Variants in COL2A1 observed in about 807,000 individuals in gnomAD.
The protein encoded by COL2A1 is collagen alpha-1(II) chain.
In COL2A1, 28 loss-of-function variants were observed where a neutral mutation model predicts 204.5. That is an observed-to-expected ratio of 0.14 (90% CI 0.10 to 0.19). The LOEUF (loss-of-function observed/expected upper bound fraction) is 0.19, where lower values mean the gene tolerates loss of function less well. Ranked by LOEUF, COL2A1 falls within the 10% of genes least tolerant of loss-of-function variation. The pLI is 1.00. For missense variants in COL2A1, 1,388 were observed against 2,027.5 expected (o/e 0.68, Z 6.06); for synonymous variants, 708 against 718.7 (o/e 0.99, Z 0.24).
rs1555166218 is a variant in COL2A1, at chr12:47,981,803, A to AG, written c.2381dup (p.Gly795TrpfsTer6). The AG allele has an allele frequency of 6.4e-7, 1 of 1,554,602 alleles. No individual in the cohort carries two copies. Among genetic ancestry groups the AG allele is most frequent in the Non-Finnish European group, 8.7e-7 (1 of 1,148,676 alleles). On this transcript the variant is annotated frameshift_variant, in exon 36 of 54. Coordinates refer to ENST00000380518, the MANE Select transcript of COL2A1 (RefSeq NM_001844.5). LOFTEE classifies it high-confidence loss of function. ...TCTCGCCATTAGCACCAGCTGGGCC[A>AG]GGGGGGCCAATGGGACCTGTCAGGC...
chr12:47,973,879 T>C, intron 53 of COL2A1, among the ~76,000 whole-genome samples: 1 of 152,184 alleles, frequency 6.6e-6, no homozygotes, highest in Non-Finnish European at 1.5e-5. Flanking sequence ...GGTAGGGTTT[T>C]GTTCCCCTGA....
Position 47,978,861 on chromosome 12 carries a change from C to A in COL2A1, c.2734-103G>T, listed in dbSNP as rs1216261664. 8.3e-7 allele frequency: 1 copy of A among 1,198,316 alleles called. No individual in the cohort carries two copies. Among genetic ancestry groups the A allele is most frequent in the Non-Finnish European group, 1.2e-6 (1 of 822,076 alleles). The allele number at this position is 1,198,316 out of a possible 1,614,324, so 74.2% of individuals were successfully genotyped here. On this transcript the variant is annotated intron_variant, in intron 41 of 53. Coordinates refer to ENST00000380518, the MANE Select transcript of COL2A1 (RefSeq NM_001844.5). This position sits in a 1 kb window ranked among gnomAD's most constrained non-coding sequence, Gnocchi z 5.5. ...GTGACAGCAGTTTCCTCTCTGGGGG[C>A]TTCTCTACCTCCCCACACTAAGGGC...
In COL2A1 at chr12:47,982,128, G is replaced by T; in HGVS notation, c.2334C>A (p.Ala778=). 1 of 1,613,974 alleles carries T rather than the reference G, an allele frequency of 6.2e-7. No individual in the cohort carries two copies. The highest frequency in any genetic ancestry group is 1.1e-5 in the South Asian group (1 of 91,082). ...GDVGEKGPEG[A]PGKDGGRGLT... ...TTACTCGTCCACCATCCTTTCCAGG[G>T]GCTCCCTCAGGGCCTTTCTCACCAA... is the stretch of plus-strand genomic sequence containing the variant. Residue 778 remains alanine, a synonymous_variant, in exon 35 of 54, where the codon GCC becomes GCA. Coordinates refer to ENST00000380518, the MANE Select transcript of COL2A1 (RefSeq NM_001844.5).
chr12:47,990,047 G>A (rs753844415), intron 16 of COL2A1, among the ~76,000 whole-genome samples: 11 of 152,052 alleles, frequency 7.2e-5, no homozygotes, highest in Admixed American at 5.2e-4. Context: ...TGGCTCTGTC[G>A]CCAGGCTGGA....
chr12:47,999,890 T>C (rs894798718), intron 2 of COL2A1, 29 bp downstream of exon 2: 1 of 1,593,502 alleles, frequency 6.3e-7, no homozygotes, highest in East Asian at 2.2e-5. Context: ...AATTTATTTA[T>C]GTTGAACAGG....
At chr12:47,989,827 C>A (rs776339096) in intron 16 of COL2A1, 22 bp from the exon 17 acceptor site, 1 of 1,612,084 alleles carries the variant, frequency 6.2e-7, no homozygotes, top group South Asian at 1.1e-5. Context: ...AAGGAAGTGA[C>A]CATGAGAGGT....
chr12:47,993,358 A>G (rs1216178002), intron 15 of COL2A1, 100 bp downstream of exon 15: 1 of 957,630 alleles, frequency 1.0e-6, no homozygotes, highest in Non-Finnish European at 1.7e-6. Context: ...GATGAAATCT[A>G]CAACACAGAA....
At chr12:47,984,934 A>G in intron 27 of COL2A1, 61 bp downstream of exon 27, 3 of 1,412,642 alleles carry the variant, frequency 2.1e-6, no homozygotes, top group Admixed American at 1.8e-5. Flanking sequence ...CCTTTCCCCA[A>G]GAGGGCAGGG....
intron 44 of COL2A1, among the ~76,000 whole-genome samples, 176 bp downstream of exon 44, chr12:47,977,834 G>T (rs781510115): frequency 1.3e-5 from 2 of 152,098 alleles, no homozygotes; most frequent in Non-Finnish European, 1.5e-5. Context: ...TGGTCTCTAT[G>T]CCCGTCTCTC....
chr12:48,000,683 G>T (rs1169265504), intron 1 of COL2A1, among the ~76,000 whole-genome samples: 1 of 152,170 alleles, frequency 6.6e-6, no homozygotes, highest in African/African-American at 2.4e-5. Flanking sequence ...ACAAAAATTG[G>T]AATCTATAAG....
In COL2A1 at chr12:47,975,445, G is replaced by A. The variant is rs1337571797; in HGVS notation, c.3758C>T (p.Ala1253Val). 6.2e-7 allele frequency: 1 copy of A among 1,614,026 alleles called. No individual in the cohort carries two copies. The highest frequency in any genetic ancestry group is 8.5e-7 in the Non-Finnish European group (1 of 1,180,042). Residue 1253 changes from alanine (A) to valine (V), a missense_variant, in exon 51 of 54, where the codon GCC (alanine) becomes GTC (valine). Ala to Val is a moderately conservative substitution (Grantham distance 64). Coordinates refer to ENST00000380518, the MANE Select transcript of COL2A1 (RefSeq NM_001844.5). Reference sequence around the variant, plus strand: ...GGACTTGAGTGTGGCATCCACCTCGGCGTCATGCTGTCTCAGGCCACCGGC... The same window carrying A: ...GGACTTGAGTGTGGCATCCACCTCGACGTCATGCTGTCTCAGGCCACCGGC... ...QAAGGLRQHD[A>V]EVDATLKSLN...
chr12:47,974,636 G>C, intron 52 of COL2A1, 39 bp downstream of exon 52: 1 of 1,599,922 alleles, frequency 6.3e-7, no homozygotes, highest in Non-Finnish European at 8.6e-7. Flanking sequence ...AGTTTGAGGA[G>C]CCATCTCTGC....
rs763703561 is a variant in COL2A1 at position 47,983,787 on chromosome 12, G to C, written c.1942-51C>G. ...TGAGCCAGTGTTCCAGAGACCCTGA[G>C]AGCCACAGCTAGTAGGGCCCAGGGG... On this transcript the variant is annotated intron_variant, in intron 29 of 53. Coordinates refer to ENST00000380518, the MANE Select transcript of COL2A1 (RefSeq NM_001844.5). 3.2e-6 allele frequency: 5 copies of C among 1,548,600 alleles called. No individual in the cohort carries two copies. In the South Asian group the frequency reaches 4.8e-5, roughly 15 times the overall value.
rs1938698571 is a variant in COL2A1, at chr12:47,976,195, A to C, written c.3490-125T>G. 2 of 779,100 alleles carry C rather than the reference A, an allele frequency of 2.6e-6. No homozygotes were observed. The highest frequency in any genetic ancestry group is 2.3e-6 in the Non-Finnish European group (1 of 432,234). The allele number at this position is 779,100 out of a possible 1,614,324, so 48.3% of individuals were successfully genotyped here. A position where few individuals can be genotyped will look rare whatever the true frequency, so the allele number is the denominator to read the frequency against. ...TCCGCCCCCAGTTCTTCACATGCTC[A>C]GTCATGGAACCCTAAGTTGGTCTCT... On this transcript the variant is annotated intron_variant, in intron 49 of 53. Transcript: ENST00000380518. The surrounding 1 kb of genome is among the most constrained non-coding windows in gnomAD (Gnocchi z 4.3).
chr12:47,979,968 C>A, intron 40 of COL2A1, 41 bp downstream of exon 40: 1 of 1,535,522 alleles, frequency 6.5e-7, no homozygotes, highest in Non-Finnish European at 8.8e-7. Context: ...GGCCAGGCCT[C>A]TTTGTGAGGT....
At position 47,987,787 on chromosome 12, in the gene COL2A1, G is replaced by T; in HGVS notation, c.1123-78C>A. On this transcript the variant is annotated intron_variant, in intron 18 of 53. Transcript: ENST00000380518. The surrounding 1 kb of genome is among the most constrained non-coding windows in gnomAD (Gnocchi z 4.1). ...TCTAGTGGGTGGGCAATAGCTCAGG[G>T]CCAGCTGCAAGCACAGCACTAAATT... The T allele has an allele frequency of 9.0e-7, 1 of 1,112,330 alleles. No individual in the cohort carries two copies. Among genetic ancestry groups the T allele is most frequent in the Non-Finnish European group, 1.3e-6 (1 of 745,192 alleles). 68.9% of individuals were successfully genotyped at this position (1,112,330 alleles called of 1,614,324 possible).
chr12:47,979,951 C>A (rs577235567), intron 40 of COL2A1, 58 bp downstream of exon 40: 6 of 1,448,378 alleles, frequency 4.1e-6, no homozygotes, highest in South Asian at 3.7e-5. Context: ...GCCATGGGAG[C>A]CTCTGGGGCC....
chr12:47,985,606 A>G lies in COL2A1; in HGVS notation c.1681-19T>C. 6 of 1,613,908 alleles carry G rather than the reference A, an allele frequency of 3.7e-6. No homozygotes were observed. The highest frequency in any genetic ancestry group is 4.2e-6 in the Non-Finnish European group (5 of 1,179,980). On this transcript the variant is annotated intron_variant, in intron 25 of 53. Coordinates refer to ENST00000380518, the MANE Select transcript of COL2A1 (RefSeq NM_001844.5). ...TGAGACCCTTTGTTCAGGAGAGAGA[A>G]GAGGGTGGGGTCAGGAGCCGGCCCC...
upstream of COL2A1, chr12:48,004,643 A>AC: frequency 4.4e-6 from 1 of 225,810 alleles, no homozygotes; most frequent in Non-Finnish European, 8.6e-6. Context: ...CCCAAGCCGG[A>AC]CCCCCCTCTC....
Sources: allele counts gnomAD v4.1 joint callset (sites outside exome capture counted in the v4.1 genomes callset), GRCh38; gene constraint gnomAD v4.1.1; non-coding constraint Gnocchi (gnomAD v3.1); transcripts MANE v1.5; gene names NCBI Gene and HGNC (gene_info 2026-07-23, HGNC 2026-07-21).